ESR1: variants seen among roughly 807,000 people sequenced by gnomAD.
ESR1 encodes the protein estrogen receptor.
Under a neutral mutation model 52.7 loss-of-function variants are expected in ESR1, and 12 were observed. That is an observed-to-expected ratio of 0.23 (90% CI 0.15 to 0.37). ESR1 has a LOEUF of 0.37. Ranked by LOEUF, ESR1 falls within the 10% of genes least tolerant of loss-of-function variation. ESR1 has a pLI of 1.00. For synonymous variants in ESR1, 305 were observed against 316.8 expected, an observed-to-expected ratio of 0.96 and a Z score of 0.39; for missense variants, 584 against 779.7, an observed-to-expected ratio of 0.75 and a Z score of 2.99.
intron 3 of ESR1, among the ~76,000 whole-genome samples, chr6:151,909,938 A>G (rs1343418696): frequency 6.6e-6 from 1 of 152,080 alleles, no homozygotes; most frequent in Non-Finnish European, 1.5e-5. Flanking sequence ...GGGGGGCCCC[A>G]ACAAATCTAA....
intron 5 of ESR1, among the ~76,000 whole-genome samples, chr6:152,032,484 TTA>T (rs1392601070): frequency 1.3e-5 from 2 of 152,154 alleles, no homozygotes; most frequent in African/African-American, 4.8e-5. Flanking sequence ...ACAGGCATTC[TTA>T]TACACCAATA....
intron 2 of ESR1, among the ~76,000 whole-genome samples, chr6:151,723,591 G>A (rs553463065): frequency 3.9e-5 from 6 of 152,238 alleles, no homozygotes; most frequent in East Asian, 3.9e-4. Context: ...GCTTGTGGCC[G>A]GATACAGTGG....
At chr6:151,777,822 C>T (rs1168402293) in intron 2 of ESR1, among the ~76,000 whole-genome samples, 10 of 151,928 alleles carry the variant, frequency 6.6e-5, no homozygotes, top group Admixed American at 2.0e-4. Context: ...TAGCCGGGCA[C>T]GGTGGTGCAT....
chr6:151,915,742 C>T (rs2029934450), intron 3 of ESR1, among the ~76,000 whole-genome samples: 2 of 152,028 alleles, frequency 1.3e-5, no homozygotes, highest in African/African-American at 4.8e-5. Context: ...TGTATCTTAC[C>T]TGGATTTAAG....
intron 6 of ESR1, among the ~76,000 whole-genome samples, chr6:152,078,747 G>C (rs2048953034): frequency 1.3e-5 from 2 of 152,202 alleles, no homozygotes; most frequent in African/African-American, 4.8e-5. Context: ...ACTGTAGCTG[G>C]AGAAACAGTA....
chr6:151,698,302 G>T (rs1426609555), intron 1 of ESR1, among the ~76,000 whole-genome samples: 1 of 151,890 alleles, frequency 6.6e-6, no homozygotes, highest in Non-Finnish European at 1.5e-5. Flanking sequence ...GGAGATCCAG[G>T]CTGCAGTGAG....
At chr6:151,689,974 G>C (rs1251681944), upstream of ESR1, among the ~76,000 whole-genome samples, 2 of 152,144 alleles carry the variant, frequency 1.3e-5, no homozygotes, top group Non-Finnish European at 2.9e-5. Flanking sequence ...ATACCGGACA[G>C]TTTATGGAAG....
intron 2 of ESR1, among the ~76,000 whole-genome samples, chr6:151,765,192 C>CT (rs988197570): frequency 6.6e-6 from 1 of 152,056 alleles, no homozygotes; most frequent in African/African-American, 2.4e-5. Flanking sequence ...ACGTTTTTCA[C>CT]TTATAGCACA....
In ESR1 at chr6:152,098,093, C is replaced by G. The variant is rs1009633196; in HGVS notation, c.1554-639C>G. On this transcript the variant is annotated intron_variant, in intron 7 of 7. Coordinates refer to ENST00000206249, the MANE Select transcript of ESR1 (RefSeq NM_000125.4). This position sits in a 1 kb window ranked among gnomAD's most constrained non-coding sequence, Gnocchi z 5.1. ...AACAGCAAGTGTAGGTCCCCTAAGT[C>G]TTGGGGGAGCTTAGTTCCTTTAAGG... Among the ~76,000 whole-genome samples the G allele has an allele frequency of 2.0e-4, 31 of 152,028 alleles. No individual in the cohort carries two copies. Among genetic ancestry groups the G allele is most frequent in the Non-Finnish European group, 8.8e-5 (6 of 68,016 alleles).
chr6:152,040,474 C>T (rs911697934), intron 5 of ESR1, among the ~76,000 whole-genome samples: 13 of 152,178 alleles, frequency 8.5e-5, no homozygotes, highest in Admixed American at 7.9e-4. Flanking sequence ...ATCCACATAC[C>T]TCTTCCCCAA....
chr6:151,861,767 A>AC, intron 2 of ESR1, among the ~76,000 whole-genome samples: 1 of 150,616 alleles, frequency 6.6e-6, no homozygotes, highest in South Asian at 2.1e-4. Flanking sequence ...TTATTCTTAC[A>AC]CTTTTTTTTT....
intron 2 of ESR1, among the ~76,000 whole-genome samples, chr6:151,777,123 CTTTT>C (rs768370394): frequency 3.7e-4 from 50 of 133,548 alleles, no homozygotes; most frequent in Non-Finnish European, 6.7e-4. Context: ...CTTTTCTTTT[CTTTT>C]TTTTTTTGAG....
intron 2 of ESR1, among the ~76,000 whole-genome samples, chr6:151,705,396 T>C (rs1166185682): frequency 2.0e-5 from 3 of 152,192 alleles, no homozygotes; most frequent in African/African-American, 7.2e-5. Context: ...TAATGATCTA[T>C]ATCATTATTT....
intron 1 of ESR1, among the ~76,000 whole-genome samples, chr6:151,662,076 G>A (rs1777657362): frequency 2.0e-5 from 3 of 152,150 alleles, no homozygotes; most frequent in African/African-American, 7.2e-5. Context: ...AACTATTGCT[G>A]GAGTGAGGTG....
rs1260487028 is a variant in ESR1 at position 152,099,912 on chromosome 6, T to A, written c.*946T>A. On this transcript the variant is annotated 3_prime_UTR_variant, in exon 8 of 8. Transcript: ENST00000206249. ...AGGGGTGAACTGTTCACTGTGGTGA[T>A]GCATGATGAGGGTAAATGGTAGTTG... 1 of 398,352 alleles carries A rather than the reference T, an allele frequency of 2.5e-6. No homozygotes were observed. The highest frequency in any genetic ancestry group is 4.4e-6 in the Non-Finnish European group (1 of 226,204). 24.7% of individuals were successfully genotyped at this position (398,352 alleles called of 1,614,324 possible).
intron 5 of ESR1, 50 bp downstream of exon 5, chr6:152,011,844 G>T (rs761412369): frequency 1.1e-5 from 17 of 1,592,440 alleles, no homozygotes; most frequent in Non-Finnish European, 1.5e-5. Flanking sequence ...TACGATCATA[G>T]TTCATTCATG....
intron 2 of ESR1, among the ~76,000 whole-genome samples, chr6:151,772,962 ATC>A (rs1785636682): frequency 6.6e-6 from 1 of 152,128 alleles, no homozygotes; most frequent in South Asian, 2.1e-4. Flanking sequence ...GGATCTTAAA[ATC>A]TCTCTGTTAT....
At chr6:152,125,495 A>C in exon 7 of ESR1, 1 of 1,175,906 alleles carries the variant, frequency 8.5e-7, no homozygotes, top group East Asian at 2.6e-5. Context: ...GCAATGATTC[A>C]ATGGTTTGCC....
chr6:151,971,837 C>A (rs1248071072), intron 4 of ESR1, among the ~76,000 whole-genome samples: 1 of 151,778 alleles, frequency 6.6e-6, no homozygotes, highest in Non-Finnish European at 1.5e-5. Context: ...TTGAAACAAA[C>A]AACAACAATA....
Sources: allele counts gnomAD v4.1 joint callset (sites outside exome capture counted in the v4.1 genomes callset), GRCh38; gene constraint gnomAD v4.1.1; non-coding constraint Gnocchi (gnomAD v3.1); transcripts MANE v1.5; gene names NCBI Gene and HGNC (gene_info 2026-07-23, HGNC 2026-07-21).